NOVA2: variants seen among roughly 807,000 people sequenced by gnomAD.
The protein encoded by NOVA2 is RNA-binding protein Nova-2.
Under a neutral mutation model 22.5 loss-of-function variants are expected in NOVA2, and 9 were observed. The observed-to-expected ratio is 0.40, with a 90% CI of 0.24 to 0.70. NOVA2 has a LOEUF of 0.70. Ranked by LOEUF, NOVA2 falls within the 30% of genes least tolerant of loss-of-function variation. The pLI, the probability that NOVA2 is intolerant of heterozygous loss-of-function variation, is 0.38. For missense variants in NOVA2, 383 were observed against 682.8 expected (o/e 0.56, Z 4.89); for synonymous variants, 318 against 335.2 (o/e 0.95, Z 0.56).
chr19:45,953,954 G>A lies in NOVA2; in HGVS notation c.230-8C>T, dbSNP rs749299225. On this transcript the variant is annotated splice_region_variant and splice_polypyrimidine_tract_variant and intron_variant, in intron 2 of 3. Transcript: ENST00000263257. The stretch of plus-strand genomic sequence containing the variant: ...ATACCCGCTCTGTGGTTCCTGTTGA[G>A]CAAGGGAGAGAGAGGGCACACTCAT... The A allele has an allele frequency of 1.1e-5, 18 of 1,613,678 alleles. No individual in the cohort carries two copies. The South Asian group carries it at 2.0e-4, about 18-fold the overall frequency.
intron 1 of NOVA2, among the ~76,000 whole-genome samples, chr19:45,963,071 T>G (rs1568671249): frequency 1.3e-5 from 2 of 152,074 alleles, no homozygotes; most frequent in Admixed American, 6.5e-5. Flanking sequence ...TGGACACTTC[T>G]CAGTATAAGA....
At chr19:45,953,314 A>G (rs1333541274) in intron 3 of NOVA2, among the ~76,000 whole-genome samples, 4 of 152,152 alleles carry the variant, frequency 2.6e-5, no homozygotes, top group Non-Finnish European at 5.9e-5. Flanking sequence ...TTCTCTCGCT[A>G]ATGAAACACC....
rs1199673421 is a variant in NOVA2 at position 45,951,982 on chromosome 19, G to A, written c.396+1798C>T. Among the ~76,000 whole-genome samples, 7 of 152,230 alleles carry A rather than the reference G, an allele frequency of 4.6e-5. No individual in the cohort carries two copies. The East Asian group carries it at 7.7e-4, about 17-fold the overall frequency. The stretch of plus-strand genomic sequence containing the variant: ...TTAAAGATGGCATACCCTCTCCAGA[G>A]AGCAACAACCCTCAAGGCTTTTGTT... On this transcript the variant is annotated intron_variant, in intron 3 of 3. Transcript: ENST00000263257.
At chr19:45,959,831 A>AGG (rs1414929279) in intron 2 of NOVA2, among the ~76,000 whole-genome samples, 2 of 150,656 alleles carry the variant, frequency 1.3e-5, no homozygotes, top group African/African-American at 4.9e-5. Context: ...GGAGAGAGAG[A>AGG]GAGAGAGAGA....
intron 3 of NOVA2, among the ~76,000 whole-genome samples, chr19:45,949,342 A>C (rs8107925): frequency 0.68 from 99,647 of 146,414 alleles, 33,977 homozygotes; most frequent in East Asian, 0.81. Flanking sequence ...AAAAAAAAAC[A>C]CCAGGAAAAA....
chr19:45,950,861 G>A (rs986217296), intron 3 of NOVA2, among the ~76,000 whole-genome samples: 1 of 152,146 alleles, frequency 6.6e-6, no homozygotes, highest in Non-Finnish European at 1.5e-5. Flanking sequence ...CCTAAGATAG[G>A]TGTTATTATT....
At chr19:45,946,655 C>T (rs933037733) in intron 3 of NOVA2, among the ~76,000 whole-genome samples, 19 of 152,190 alleles carry the variant, frequency 1.2e-4, no homozygotes, top group Non-Finnish European at 2.1e-4. Context: ...GGGCGGATCA[C>T]GAGGTCAGGA....
In NOVA2 at chr19:45,945,371, T is replaced by C. The variant is rs551566750; in HGVS notation, c.397-4426A>G. Among the ~76,000 whole-genome samples, 12 of 152,288 alleles carry C rather than the reference T, an allele frequency of 7.9e-5. No individual in the cohort carries two copies. The South Asian group carries it at 2.5e-3, about 32-fold the overall frequency. On this transcript the variant is annotated intron_variant, in intron 3 of 3. Coordinates refer to ENST00000263257, the MANE Select transcript of NOVA2 (RefSeq NM_002516.4). ...AGTGCAAATGTTTGAAAATGGATTG[T>C]GGCAATAGGTGTACAACTATGTGAC... is the stretch of plus-strand genomic sequence containing the variant.
Position 45,940,415 on chromosome 19 carries a change from C to A in NOVA2, c.927G>T (p.Leu309=). ...GGTTGGCCCCGGCGGCCACGGCGGCCAGGACGCCGGAAGCTGCGGCCGAGT... is the reference window on the plus strand; with the variant it reads ...GGTTGGCCCCGGCGGCCACGGCGGCAAGGACGCCGGAAGCTGCGGCCGAGT... ...GLNSAAASGV[L]AAVAAGANPA... The change falls in exon 4 of 4, where the codon CTG becomes CTT. Residue 309 remains leucine (L), a synonymous_variant. Transcript: ENST00000263257. The A allele has an allele frequency of 6.8e-7, 1 of 1,479,048 alleles. No individual in the cohort carries two copies. The highest frequency in any genetic ancestry group is 9.0e-7 in the Non-Finnish European group (1 of 1,112,068). 91.6% of individuals were successfully genotyped at this position (1,479,048 alleles called of 1,614,324 possible).
At chr19:45,958,368 TGTGTGA>T (rs922986410) in intron 2 of NOVA2, among the ~76,000 whole-genome samples, 1 of 145,134 alleles carries the variant, frequency 6.9e-6, no homozygotes, top group African/African-American at 2.5e-5. Context: ...TGTGTGTGTG[TGTGTGA>T]GAGTGTGTGT....
intron 2 of NOVA2, among the ~76,000 whole-genome samples, chr19:45,959,927 T>G (rs1968070822): frequency 6.6e-6 from 1 of 151,552 alleles, no homozygotes; most frequent in African/African-American, 2.4e-5. Context: ...GGATTAAGGA[T>G]GAACTAGAAC....
rs1341340774 is a variant in NOVA2 at position 45,934,643 on chromosome 19, C to T, written c.*5220G>A. ...AAAAGAAAAATGACTCCCCACGTCC[C>T]CTGGCTCAAACCCAGTACAAAAGTG... On this transcript the variant is annotated 3_prime_UTR_variant, in exon 4 of 4. Coordinates refer to ENST00000263257, the MANE Select transcript of NOVA2 (RefSeq NM_002516.4). 1 of 152,066 alleles carries T rather than the reference C, an allele frequency of 6.6e-6. No individual in the cohort carries two copies. The highest frequency in any genetic ancestry group is 1.5e-5 in the Non-Finnish European group (1 of 68,048). 9.4% of individuals were successfully genotyped at this position (152,066 alleles called of 1,614,324 possible).
At chr19:45,965,663 G>C (rs1968158592) in intron 1 of NOVA2, among the ~76,000 whole-genome samples, 1 of 152,076 alleles carries the variant, frequency 6.6e-6, no homozygotes, top group African/African-American at 2.4e-5. Context: ...CCAGGAGGCA[G>C]AGGTTGCAGT....
intron 3 of NOVA2, among the ~76,000 whole-genome samples, chr19:45,945,730 T>C (rs188458308): frequency 5.6e-4 from 85 of 152,124 alleles, no homozygotes; most frequent in East Asian, 1.7e-3. Flanking sequence ...TTTCAGAGAG[T>C]CAAGTGAACA....
chr19:45,969,740 T>G (rs768429155), intron 1 of NOVA2, among the ~76,000 whole-genome samples: 10 of 152,082 alleles, frequency 6.6e-5, no homozygotes, highest in Non-Finnish European at 1.3e-4. Flanking sequence ...CCTGCCAGAC[T>G]GGGGTCATTT....
Position 45,971,321 on chromosome 19 carries a change from T to G in NOVA2, c.85+1946A>C, listed in dbSNP as rs554071621. 2.6e-5 allele frequency among the ~76,000 whole-genome samples: 4 copies of G among 151,712 alleles called. No homozygotes were observed. In the South Asian group the frequency reaches 6.3e-4, roughly 24 times the overall value. On this transcript the variant is annotated intron_variant, in intron 1 of 3. Transcript: ENST00000263257. ...CCCCCTACCCTCTGGAGGACGGTGG[T>G]GGAGGGCTAGACAGTCTGGCTGGGC...
Position 45,939,782 on chromosome 19 carries a change from G to T in NOVA2, c.*81C>A. ...GAGGAGCAGGACTACACCAAGCTGA[G>T]GTCAGGAGTTGGGGGGGAGGAGGAG... On this transcript the variant is annotated 3_prime_UTR_variant, in exon 4 of 4. Transcript: ENST00000263257. 6.4e-7 allele frequency: 1 copy of T among 1,560,414 alleles called. No individual in the cohort carries two copies. Among genetic ancestry groups the T allele is most frequent in the Non-Finnish European group, 8.7e-7 (1 of 1,145,560 alleles).
At chr19:45,959,628 G>C (rs925881281) in intron 2 of NOVA2, among the ~76,000 whole-genome samples, 1 of 150,020 alleles carries the variant, frequency 6.7e-6, no homozygotes, top group African/African-American at 2.4e-5. Flanking sequence ...TGGTTCACTC[G>C]ATTTTTCTCT....
At chr19:45,951,061 G>A (rs892118006) in intron 3 of NOVA2, among the ~76,000 whole-genome samples, 1 of 152,194 alleles carries the variant, frequency 6.6e-6, no homozygotes, top group South Asian at 2.1e-4. Flanking sequence ...AAGCTACCCA[G>A]ATGACTCAGA....
Sources: gnomAD v4.1 joint callset for allele counts (sites outside exome capture counted in the v4.1 genomes callset) on GRCh38, gnomAD v4.1.1 for gene constraint, MANE v1.5 for transcripts, NCBI Gene and HGNC (gene_info 2026-07-23, HGNC 2026-07-21) for gene names.